CDH4: variants seen among roughly 807,000 people sequenced by gnomAD.
CDH4 encodes the protein cadherin 4.
A neutral mutation model predicts 86.0 loss-of-function variants in CDH4; 33 were observed. That is an observed-to-expected ratio of 0.38 (90% CI 0.29 to 0.51). The LOEUF is 0.51. Ranked by LOEUF, CDH4 falls within the 20% of genes least tolerant of loss-of-function variation. The pLI is 0.86. For synonymous variants in CDH4, 555 were observed against 549.4 expected, an observed-to-expected ratio of 1.01 and a Z score of -0.14; for missense variants, 1,114 against 1,307.4, an observed-to-expected ratio of 0.85 and a Z score of 2.28.
intron 9 of CDH4, 86 bp downstream of exon 9, chr20:61,910,693 C>G (rs1485413646): frequency 1.6e-6 from 2 of 1,271,006 alleles, no homozygotes; most frequent in African/African-American, 2.9e-5. Flanking sequence ...GAGTGATACT[C>G]GGTGTAAAGT....
intron 2 of CDH4, among the ~76,000 whole-genome samples, chr20:61,432,429 T>C (rs112182785): frequency 1.1e-4 from 16 of 152,354 alleles, no homozygotes; most frequent in Admixed American, 3.3e-4. Flanking sequence ...GATCATCTCA[T>C]GCATCTTCTT....
At position 61,645,629 on chromosome 20, in the gene CDH4, C is replaced by CAA. The variant is rs11373021; in HGVS notation, c.170-97919_170-97918dup. 4.6e-4 allele frequency among the ~76,000 whole-genome samples: 66 copies of CAA among 142,200 alleles called. 1 individual carries two copies. The highest frequency in any genetic ancestry group is 3.8e-3 in the Middle Eastern group (1 of 266). 93.3% of individuals were successfully genotyped at this position (142,200 alleles called of 152,430 possible). ...TGGGTGACAGAGTACGACCCTGTCT[C>CAA]AAAAAAAAAAAAAAAATTAACTGCT... is the stretch of plus-strand genomic sequence containing the variant. On this transcript the variant is annotated intron_variant, in intron 2 of 15. Transcript: ENST00000614565.
chr20:61,588,012 G>A (rs1256735725), intron 2 of CDH4, among the ~76,000 whole-genome samples: 2 of 152,144 alleles, frequency 1.3e-5, no homozygotes, highest in African/African-American at 2.4e-5. Context: ...GTTTTCCGTG[G>A]CATTTTAAAA....
rs1053157533 is a variant in CDH4 at position 61,372,103 on chromosome 20, TAGAG to T, written c.169+117170_169+117173del. On this transcript the variant is annotated intron_variant, in intron 2 of 15. Coordinates refer to ENST00000614565, the MANE Select transcript of CDH4 (RefSeq NM_001794.5). ...TCACCCAGGTCTCTCCCTCCTGGGA[TAGAG>T]AGAAGCCGTTCTCTGCCGGGTGTTT... Among the ~76,000 whole-genome samples the T allele has an allele frequency of 7.2e-5, 11 of 152,340 alleles. No individual in the cohort carries two copies. In the East Asian group the frequency reaches 1.9e-3, roughly 27 times the overall value.
intron 7 of CDH4, among the ~76,000 whole-genome samples, chr20:61,881,184 G>A (rs1169236073): frequency 6.6e-6 from 1 of 152,224 alleles, no homozygotes; most frequent in East Asian, 1.9e-4. Flanking sequence ...TCCATCCACG[G>A]ACGCCACTGG....
chr20:61,744,265 G>A (rs538412205), intron 3 of CDH4, among the ~76,000 whole-genome samples: 1 of 152,154 alleles, frequency 6.6e-6, no homozygotes, highest in South Asian at 2.1e-4. Context: ...GAAGGCAGGT[G>A]CAGGGAGACA....
chr20:61,533,265 G>A (rs895015648), intron 2 of CDH4, among the ~76,000 whole-genome samples: 2 of 152,216 alleles, frequency 1.3e-5, no homozygotes, highest in Non-Finnish European at 2.9e-5. Context: ...GGGCGATGGG[G>A]GGCAGGCCTG....
At chr20:61,670,546 G>A (rs1396733523) in intron 2 of CDH4, among the ~76,000 whole-genome samples, 1 of 152,186 alleles carries the variant, frequency 6.6e-6, no homozygotes, top group Non-Finnish European at 1.5e-5. Flanking sequence ...ACCGAATACT[G>A]GAGGTACCAT....
chr20:61,291,294 A>G (rs977620648), intron 2 of CDH4, among the ~76,000 whole-genome samples: 5 of 152,210 alleles, frequency 3.3e-5, no homozygotes, highest in African/African-American at 1.2e-4. Context: ...TAAGTTAATG[A>G]TCTGGAGACA....
chr20:61,646,029 C>T (rs1010860469), intron 2 of CDH4, among the ~76,000 whole-genome samples: 11 of 152,176 alleles, frequency 7.2e-5, no homozygotes, highest in Admixed American at 6.5e-5. Flanking sequence ...AGGGCCTGGC[C>T]CAGCCCCAGC....
At position 61,863,809 on chromosome 20, in the gene CDH4, T is replaced by C. The variant is rs541472381; in HGVS notation, c.878-9919T>C. Among the ~76,000 whole-genome samples, 11 of 152,224 alleles carry C rather than the reference T, an allele frequency of 7.2e-5. No individual in the cohort carries two copies. The South Asian group carries it at 1.9e-3, about 26-fold the overall frequency. On this transcript the variant is annotated intron_variant, in intron 6 of 15. Coordinates refer to ENST00000614565, the MANE Select transcript of CDH4 (RefSeq NM_001794.5). ...CATGAGGCTGGGATGGCTGCTCTAGTGCCAAGCCCCACCTGGCCTCCAAAG... is the reference window on the plus strand; with the variant it reads ...CATGAGGCTGGGATGGCTGCTCTAGCGCCAAGCCCCACCTGGCCTCCAAAG...
chr20:61,698,204 C>T (rs996899685), intron 2 of CDH4, among the ~76,000 whole-genome samples: 8 of 152,364 alleles, frequency 5.3e-5, no homozygotes, highest in Admixed American at 2.0e-4. Context: ...CCCGCCCTCA[C>T]GCCTGCTCTC....
At chr20:61,867,970 C>T (rs1488680819) in intron 6 of CDH4, among the ~76,000 whole-genome samples, 2 of 152,228 alleles carry the variant, frequency 1.3e-5, no homozygotes. Flanking sequence ...AAAAACTCCA[C>T]CACATGGAAA....
In CDH4 at chr20:61,480,316, G is replaced by T. The variant is rs2145578033; in HGVS notation, c.169+225379G>T. On this transcript the variant is annotated intron_variant, in intron 2 of 15. Coordinates refer to ENST00000614565, the MANE Select transcript of CDH4 (RefSeq NM_001794.5). The surrounding 1 kb of genome is among the most constrained non-coding windows in gnomAD (Gnocchi z 5.2). ...GTGGCGCCCCCTGGCTGTGTCCTCT[G>T]CTTGGGCCACTGCCCTGTGCCACTG... Among the ~76,000 whole-genome samples the T allele has an allele frequency of 6.6e-6, 1 of 152,312 alleles. No individual in the cohort carries two copies. The highest frequency in any genetic ancestry group is 2.1e-4 in the South Asian group (1 of 4,824).
chr20:61,309,378 TGTG>T (rs2084433641), intron 2 of CDH4, among the ~76,000 whole-genome samples: 1 of 16,438 alleles, frequency 6.1e-5, no homozygotes, highest in Admixed American at 9.2e-4. Flanking sequence ...ACCATGCAGG[TGTG>T]CATAGAGGTG....
intron 2 of CDH4, among the ~76,000 whole-genome samples, chr20:61,438,813 A>C (rs2085299102): frequency 6.6e-6 from 1 of 152,186 alleles, no homozygotes; most frequent in Admixed American, 6.5e-5. Context: ...ACCTTGGCAA[A>C]AGTAAATCCT....
In CDH4 at chr20:61,499,603, T is replaced by C. The variant is rs1600714121; in HGVS notation, c.170-243960T>C. ...CCTGAGGTCACACAGGGAGGAGGGC[T>C]CCAAGCCAGAATTTAGACCTCAGCC... On this transcript the variant is annotated intron_variant, in intron 2 of 15. Transcript: ENST00000614565. The C allele has an allele frequency of 9.6e-6, 10 of 1,038,886 alleles. No homozygotes were observed. The South Asian group carries it at 1.4e-4, about 15-fold the overall frequency. 64.4% of individuals were successfully genotyped at this position (1,038,886 alleles called of 1,614,324 possible). A position where few individuals can be genotyped will look rare whatever the true frequency, so the allele number is the denominator to read the frequency against.
At chr20:61,574,810 G>A (rs1341410118) in intron 2 of CDH4, among the ~76,000 whole-genome samples, 1 of 152,176 alleles carries the variant, frequency 6.6e-6, no homozygotes, top group East Asian at 1.9e-4. Flanking sequence ...ACCAAGTCCA[G>A]GGTTCTCATA....
chr20:61,719,464 C>T (rs1353886520), intron 2 of CDH4: 1 of 236,362 alleles, frequency 4.2e-6, no homozygotes. Context: ...AAATATTTCA[C>T]TAACTACATT....
Sources: gnomAD v4.1 joint callset for allele counts (sites outside exome capture counted in the v4.1 genomes callset) on GRCh38, gnomAD v4.1.1 for gene constraint, Gnocchi (gnomAD v3.1) non-coding constraint, MANE v1.5 for transcripts, NCBI Gene and HGNC (gene_info 2026-07-23, HGNC 2026-07-21) for gene names.